The following HSF1 variants were observed in gnomAD, a reference collection of about 807,000 sequenced individuals.
HSF1 encodes heat shock transcription factor 1.
A neutral mutation model predicts 51.7 loss-of-function variants in HSF1; 32 were observed. The ratio of observed to expected loss-of-function variants is 0.62; its 90% CI spans 0.47 to 0.83. The LOEUF is 0.83. Ranked by LOEUF, HSF1 falls within the 40% of genes least tolerant of loss-of-function variation. The probability of loss-of-function intolerance (pLI) is 0.00; values close to 1 mark genes in which losing one functional copy is unlikely to be tolerated. For synonymous variants in HSF1, 396 were observed against 309.7 expected, an observed-to-expected ratio of 1.28 and a Z score of -2.92; for missense variants, 727 against 717.0, an observed-to-expected ratio of 1.01 and a Z score of -0.16.
chr8:144,299,679 G>A (rs1224003974), intron 1 of HSF1, among the ~76,000 whole-genome samples: 2 of 152,140 alleles, frequency 1.3e-5, no homozygotes, highest in African/African-American at 4.8e-5. Flanking sequence ...GGAGGCCGAG[G>A]CGGGTGGATC....
At chr8:144,299,280 A>T (rs1554841830) in intron 1 of HSF1, among the ~76,000 whole-genome samples, 3 of 151,950 alleles carry the variant, frequency 2.0e-5, no homozygotes, top group Non-Finnish European at 2.9e-5. Context: ...CGTCTCTACT[A>T]CAAAAAATTA....
In HSF1 at chr8:144,311,208, C is replaced by A. The variant is rs782423963; in HGVS notation, c.523C>A (p.Leu175Ile). ...GGCTCTGTGGCGGGAGGTGGCCAGC[C>A]TTCGGCAGAAGCATGCCCAGCAACA... Reference protein sequence around the residue: ...NEALWREVASLRQKHAQQQKV... With the variant: ...NEALWREVASIRQKHAQQQKV... Residue 175 changes from leucine (L) to isoleucine (I), a missense_variant, in exon 5 of 13, where the codon CTT (leucine) becomes ATT (isoleucine). Leu to Ile is a conservative substitution (Grantham distance 5, BLOSUM62 2). Coordinates refer to ENST00000528838, the MANE Select transcript of HSF1 (RefSeq NM_005526.4). 6.2e-7 allele frequency: 1 copy of A among 1,606,840 alleles called. No individual in the cohort carries two copies. The highest frequency in any genetic ancestry group is 8.5e-7 in the Non-Finnish European group (1 of 1,177,012).
At chr8:144,295,713 CTT>C (rs536228987) in intron 1 of HSF1, among the ~76,000 whole-genome samples, 4 of 144,524 alleles carry the variant, frequency 2.8e-5, no homozygotes, top group African/African-American at 7.6e-5. Flanking sequence ...CCAGACCTGG[CTT>C]TTTTTTTTTT....
chr8:144,301,677 T>C (rs1236598317), intron 1 of HSF1, among the ~76,000 whole-genome samples: 6 of 151,366 alleles, frequency 4.0e-5, no homozygotes, highest in African/African-American at 1.2e-4. Context: ...CCATCCTGGC[T>C]AATACAGTGA....
At chr8:144,312,897 G>C in intron 9 of HSF1, 1 of 610,354 alleles carries the variant, frequency 1.6e-6, no homozygotes, top group Admixed American at 2.8e-5. Flanking sequence ...TGTGGTCATT[G>C]CCTGTGACAG....
intron 9 of HSF1, 123 bp downstream of exon 9, chr8:144,312,367 C>T (rs1387010949): frequency 7.5e-6 from 6 of 797,072 alleles, no homozygotes; most frequent in East Asian, 2.7e-5. Context: ...CCCCCAACCT[C>T]GGAGCTCGGG....
In HSF1 at chr8:144,297,844, G is replaced by A. The variant is rs111719109; in HGVS notation, c.117+5970G>A. Reference sequence around the variant, plus strand: ...CCTTGTAGAATACGGCACTGTTCACGTTTTGGGCCAGGGAGCCCTTTGAGA... The same window carrying A: ...CCTTGTAGAATACGGCACTGTTCACATTTTGGGCCAGGGAGCCCTTTGAGA... On this transcript the variant is annotated intron_variant, in intron 1 of 12. Coordinates refer to ENST00000528838, the MANE Select transcript of HSF1 (RefSeq NM_005526.4). This position sits in a 1 kb window ranked among gnomAD's most constrained non-coding sequence, Gnocchi z 4.6. Among the ~76,000 whole-genome samples the A allele has an allele frequency of 8.8e-3, 1,347 of 152,286 alleles. 15 individuals carry two copies. The highest frequency in any genetic ancestry group is 0.03 in the African/African-American group (1,248 of 41,558).
intron 1 of HSF1, among the ~76,000 whole-genome samples, chr8:144,295,825 G>T (rs1258804584): frequency 6.6e-6 from 1 of 152,084 alleles, no homozygotes; most frequent in Non-Finnish European, 1.5e-5. Flanking sequence ...GCCTCCCGAA[G>T]TGCTGGGATT....
Position 144,314,628 on chromosome 8 carries a change from C to T in HSF1, c.*298C>T, listed in dbSNP as rs782718383. On this transcript the variant is annotated 3_prime_UTR_variant, in exon 13 of 13. Transcript: ENST00000528838. Reference sequence around the variant, plus strand: ...TATTTTGGATTTTTACACAACTGTCCCGTTCCCCGCTCCACAGAGATACAC... The same window carrying T: ...TATTTTGGATTTTTACACAACTGTCTCGTTCCCCGCTCCACAGAGATACAC... 1 of 466,180 alleles carries T rather than the reference C, an allele frequency of 2.1e-6. No individual in the cohort carries two copies. Among genetic ancestry groups the T allele is most frequent in the Non-Finnish European group, 3.9e-6 (1 of 254,328 alleles). 28.9% of individuals were successfully genotyped at this position (466,180 alleles called of 1,614,324 possible).
chr8:144,305,831 C>G (rs1242605029), intron 1 of HSF1, among the ~76,000 whole-genome samples: 5 of 138,714 alleles, frequency 3.6e-5, no homozygotes, highest in Admixed American at 2.4e-4. Flanking sequence ...CTCCCGGGTT[C>G]AAACAATTCT....
chr8:144,312,484 T>A lies in HSF1; in HGVS notation c.1142+240T>A, dbSNP rs1219931538. 11 of 788,898 alleles carry A rather than the reference T, an allele frequency of 1.4e-5. No homozygotes were observed. The East Asian group carries it at 2.9e-4, about 21-fold the overall frequency. 48.9% of individuals were successfully genotyped at this position (788,898 alleles called of 1,614,324 possible). On this transcript the variant is annotated intron_variant, in intron 9 of 12. Transcript: ENST00000528838. ...GCCGGGCCCTGCTCTCAGCCACCCG[T>A]CCTGCTGCCGCCACCCTCGCCACAG...
chr8:144,311,128 G>A, intron 4 of HSF1, 46 bp from the exon 5 acceptor site: 2 of 1,541,024 alleles, frequency 1.3e-6, no homozygotes, highest in Non-Finnish European at 1.8e-6. Flanking sequence ...CTCAGCCCTG[G>A]GGCTCATGGG....
Position 144,297,189 on chromosome 8 carries a change from C to A in HSF1, c.117+5315C>A, listed in dbSNP as rs1390208711. On this transcript the variant is annotated intron_variant, in intron 1 of 12. Transcript: ENST00000528838. This position sits in a 1 kb window ranked among gnomAD's most constrained non-coding sequence, Gnocchi z 4.6. ...CCTTCCCAGAGGAAGCAAGCAGCTC[C>A]CATCGGGTATATTGAGGGCTGTTGG... 6.6e-6 allele frequency among the ~76,000 whole-genome samples: 1 copy of A among 152,144 alleles called. No individual in the cohort carries two copies. The highest frequency in any genetic ancestry group is 1.5e-5 in the Non-Finnish European group (1 of 68,026).
At chr8:144,299,248 C>A (rs1554841821) in intron 1 of HSF1, among the ~76,000 whole-genome samples, 6 of 151,826 alleles carry the variant, frequency 4.0e-5, no homozygotes, top group African/African-American at 1.5e-4. Context: ...TCAAGACCAG[C>A]CTGGCCAATA....
At position 144,313,502 on chromosome 8, in the gene HSF1, C is replaced by T. The variant is rs1316010587; in HGVS notation, c.1143-9C>T. The T allele has an allele frequency of 6.3e-7, 1 of 1,594,722 alleles. No individual in the cohort carries two copies. The highest frequency in any genetic ancestry group is 1.7e-4 in the Middle Eastern group (1 of 6,032). ...GCACTGGTTCAGGTACCGCCTTATC[C>T]CGGGCCAGGAATGAGCTCAGTGACC... On this transcript the variant is annotated splice_polypyrimidine_tract_variant and intron_variant, in intron 9 of 12. Transcript: ENST00000528838.
In HSF1 at chr8:144,311,758, C is replaced by G. The variant is rs782717137; in HGVS notation, c.782C>G (p.Ser261Cys). 2 of 1,612,974 alleles carry G rather than the reference C, an allele frequency of 1.2e-6. No individual in the cohort carries two copies. Among genetic ancestry groups the G allele is most frequent in the Non-Finnish European group, 1.7e-6 (2 of 1,179,824 alleles). ...TACGCCCCTGATGCTGTGGCCAGCT[C>G]TGGACCCATCATCTCCGACATCACC... ...SLYAPDAVAS[S>C]GPIISDITEL... The change falls in exon 8 of 13, where the codon TCT becomes TGT. Residue 261 changes from serine to cysteine, a missense_variant. Physicochemically the swap from Ser to Cys is moderately radical, Grantham distance 112. This residue lies in a region of HSF1 where 470 missense variants were observed against 398.8 expected (regional missense o/e 1.18). Transcript: ENST00000528838.
At chr8:144,296,721 G>A (rs868987597) in intron 1 of HSF1, among the ~76,000 whole-genome samples, 4 of 151,894 alleles carry the variant, frequency 2.6e-5, no homozygotes, top group Admixed American at 1.3e-4. Context: ...GCAGGAGAAC[G>A]GCGTGAACCC....
intron 9 of HSF1, chr8:144,312,811 C>G (rs34053540): frequency 2.7e-6 from 3 of 1,096,820 alleles, no homozygotes; most frequent in Admixed American, 2.0e-5. Context: ...GCATGAGCGT[C>G]GGGCCTGGGC....
chr8:144,305,891 C>T (rs533001738), intron 1 of HSF1, among the ~76,000 whole-genome samples: 2 of 152,024 alleles, frequency 1.3e-5, no homozygotes, highest in East Asian at 3.9e-4. Context: ...AGCCACCACA[C>T]CTGGCTAATT....
Sources: gnomAD v4.1 joint callset for allele counts (sites outside exome capture counted in the v4.1 genomes callset) on GRCh38, gnomAD v4.1.1 for gene constraint, gnomAD v4.1.1 regional missense constraint, Gnocchi (gnomAD v3.1) non-coding constraint, MANE v1.5 for transcripts, NCBI Gene and HGNC (gene_info 2026-07-23, HGNC 2026-07-21) for gene names.